Variants in SPOPL observed in about 807,000 individuals in gnomAD.
The protein encoded by SPOPL is speckle type BTB/POZ protein like, also known as speckle-type POZ protein-like.
A neutral mutation model predicts 53.8 loss-of-function variants in SPOPL; 23 were observed. The ratio of observed to expected loss-of-function variants is 0.43; its 90% confidence interval spans 0.31 to 0.61. SPOPL has a LOEUF of 0.61. SPOPL is among the 20% of genes least tolerant of loss of function. SPOPL has a pLI of 0.12. For missense variants in SPOPL, 442 were observed against 466.9 expected (o/e 0.95, Z 0.49); for synonymous variants, 164 against 149.7 (o/e 1.10, Z -0.70).
At chr2:138,540,190 G>A (rs1284219889) in intron 1 of SPOPL, among the ~76,000 whole-genome samples, 4 of 152,164 alleles carry the variant, frequency 2.6e-5, no homozygotes, top group East Asian at 3.9e-4. Context: ...GATGCCTCCA[G>A]GTTTGTTCTT....
chr2:138,560,825 T>A lies in SPOPL; in HGVS notation c.735T>A (p.Asp245Glu). 1 of 1,605,784 alleles carries A rather than the reference T, an allele frequency of 6.2e-7. No individual in the cohort carries two copies. Among genetic ancestry groups the A allele is most frequent in the South Asian group, 1.1e-5 (1 of 88,662 alleles). ...ESKKNRVEIN[D>E]LDPEVFKEMM... is the part of the protein sequence containing the mutation. ...ATCAGAATCGAGTGGAAATAAATGATTTAGACCCTGAAGTTTTTAAAGAAA... is the reference window on the plus strand; with the variant it reads ...ATCAGAATCGAGTGGAAATAAATGAATTAGACCCTGAAGTTTTTAAAGAAA... Residue 245 changes from aspartate to glutamate, a missense_variant, in exon 8 of 11, where the codon GAT (aspartate) becomes GAA (glutamate). Transcript: ENST00000280098.
In SPOPL at chr2:138,518,062, A is replaced by AAG. The variant is rs1553468041; in HGVS notation, c.-61+15944_-61+15945insGA. ...AAACTGTCTCAAAAAAAAAAAAAAA[A>AAG]AAAGAAAAGGAAAAAGAAATTCTGA... On this transcript the variant is annotated intron_variant, in intron 1 of 10. Transcript: ENST00000280098. 9.4e-3 allele frequency among the ~76,000 whole-genome samples: 1,427 copies of AAG among 151,046 alleles called. 28 individuals are homozygous for AAG. Among genetic ancestry groups the AAG allele is most frequent in the African/African-American group, 0.033 (1,345 of 41,044 alleles).
Position 138,534,231 on chromosome 2 carries a change from G to A in SPOPL, c.-60-15926G>A, listed in dbSNP as rs192466213. On this transcript the variant is annotated intron_variant, in intron 1 of 10. Coordinates refer to ENST00000280098, the MANE Select transcript of SPOPL (RefSeq NM_001001664.3). ...ATAGAGTTGACCCTCTGTATCCACC[G>A]ATTCTGCATCTGAGGATTCAACCAA... is the stretch of plus-strand genomic sequence containing the variant. Among the ~76,000 whole-genome samples the A allele has an allele frequency of 5.8e-4, 88 of 152,140 alleles. 1 individual carries two copies. The highest frequency in any genetic ancestry group is 1.9e-3 in the African/African-American group (77 of 41,520).
chr2:138,546,779 A>T (rs1471351090), intron 1 of SPOPL, among the ~76,000 whole-genome samples: 1 of 152,214 alleles, frequency 6.6e-6, no homozygotes, highest in African/African-American at 2.4e-5. Flanking sequence ...ATGGTGTATT[A>T]ACACCCATCT....
At chr2:138,509,378 AAGT>A (rs1318781077) in intron 1 of SPOPL, among the ~76,000 whole-genome samples, 2 of 152,324 alleles carry the variant, frequency 1.3e-5, no homozygotes, top group South Asian at 4.1e-4. Flanking sequence ...TATATCTAAA[AAGT>A]AGTATGCTTT....
intron 1 of SPOPL, among the ~76,000 whole-genome samples, chr2:138,541,330 C>T (rs1685067087): frequency 6.6e-6 from 1 of 152,312 alleles, no homozygotes; most frequent in Non-Finnish European, 1.5e-5. Flanking sequence ...ACCAGCTCCT[C>T]CTTGTACCTC....
intron 7 of SPOPL, among the ~76,000 whole-genome samples, chr2:138,559,685 T>A (rs1231926988): frequency 2.6e-5 from 4 of 152,186 alleles, no homozygotes; most frequent in African/African-American, 9.7e-5. Flanking sequence ...ATGGATTGAT[T>A]TTTGGAATCT....
intron 1 of SPOPL, among the ~76,000 whole-genome samples, chr2:138,510,830 CAGTG>C (rs1479719239): frequency 2.0e-5 from 3 of 152,100 alleles, no homozygotes; most frequent in African/African-American, 7.2e-5. Flanking sequence ...ATAAAATTAA[CAGTG>C]AGTATAAATT....
intron 1 of SPOPL, among the ~76,000 whole-genome samples, chr2:138,504,485 G>A (rs1240734484): frequency 1.3e-5 from 2 of 152,182 alleles, no homozygotes; most frequent in African/African-American, 4.8e-5. Context: ...ATAGAACTTT[G>A]AAAGGGTGGG....
At chr2:138,535,615 GTTTCTTTGCAT>G (rs1236094880) in intron 1 of SPOPL, among the ~76,000 whole-genome samples, 3 of 146,622 alleles carry the variant, frequency 2.0e-5, no homozygotes, top group African/African-American at 5.1e-5. Flanking sequence ...GTGTTTGTGG[GTTTCTTTGCAT>G]TTAACCTACT....
intron 3 of SPOPL, 129 bp downstream of exon 3, chr2:138,550,733 C>A: frequency 7.0e-7 from 1 of 1,426,202 alleles, no homozygotes; most frequent in Non-Finnish European, 9.5e-7. Flanking sequence ...TAGTATGTTC[C>A]TAATAGTGTG....
At chr2:138,541,068 C>T (rs1685061341) in intron 1 of SPOPL, among the ~76,000 whole-genome samples, 1 of 152,156 alleles carries the variant, frequency 6.6e-6, no homozygotes, top group South Asian at 2.1e-4. Flanking sequence ...TATGTTGAAG[C>T]AGCTTTGCAA....
intron 1 of SPOPL, among the ~76,000 whole-genome samples, chr2:138,522,255 G>A (rs1684575211): frequency 6.6e-6 from 1 of 152,110 alleles, no homozygotes; most frequent in African/African-American, 2.4e-5. Context: ...CCAATATTCT[G>A]CCTTTGACAT....
intron 1 of SPOPL, among the ~76,000 whole-genome samples, chr2:138,509,855 C>G (rs550768179): frequency 6.6e-6 from 1 of 152,150 alleles, no homozygotes; most frequent in Admixed American, 6.6e-5. Context: ...TTTATGACAT[C>G]TATCTACCAT....
At chr2:138,533,359 T>C (rs1684854747) in intron 1 of SPOPL, among the ~76,000 whole-genome samples, 1 of 152,154 alleles carries the variant, frequency 6.6e-6, no homozygotes, top group African/African-American at 2.4e-5. Context: ...TGTCCTGAAG[T>C]GCTTCATTAT....
Position 138,569,020 on chromosome 2 carries a change from A to G in SPOPL, c.1119A>G (p.Ala373=), listed in dbSNP as rs752601589. The change falls in exon 11 of 11, where the codon GCA becomes GCG. Residue 373 remains alanine (A), a synonymous_variant. Transcript: ENST00000280098. ...HPHLVAEAFR[A]LASAQCPQFG... is the part of the protein sequence containing the mutation. ...ATTTAGTAGCAGAAGCCTTTCGAGC[A>G]CTAGCATCTGCACAGTGTCCACAGT... 1.9e-6 allele frequency: 3 copies of G among 1,613,982 alleles called. No individual in the cohort carries two copies. Among genetic ancestry groups the G allele is most frequent in the African/African-American group, 2.7e-5 (2 of 74,946 alleles).
intron 1 of SPOPL, among the ~76,000 whole-genome samples, chr2:138,505,675 T>G (rs1442765127): frequency 7.0e-6 from 1 of 142,058 alleles, no homozygotes; most frequent in Non-Finnish European, 1.5e-5. Flanking sequence ...CTTGGGAGGG[T>G]GAGGCAGGAG....
intron 2 of SPOPL, 79 bp downstream of exon 2, chr2:138,550,373 T>G (rs1674639619): frequency 6.3e-7 from 1 of 1,594,150 alleles, no homozygotes; most frequent in African/African-American, 1.3e-5. Context: ...GTGAAACACT[T>G]TGCCATAGTT....
At chr2:138,541,007 GT>G (rs1419887244) in intron 1 of SPOPL, among the ~76,000 whole-genome samples, 1 of 151,938 alleles carries the variant, frequency 6.6e-6, no homozygotes, top group Non-Finnish European at 1.5e-5. Context: ...TAATCATATG[GT>G]TTTTTTCATT....
Sources: allele counts gnomAD v4.1 joint callset (sites outside exome capture counted in the v4.1 genomes callset), GRCh38; gene constraint gnomAD v4.1.1; transcripts MANE v1.5; gene names NCBI Gene and HGNC (gene_info 2026-07-23, HGNC 2026-07-21).